The following PTPN14 variants were observed in gnomAD, a reference collection of about 807,000 sequenced individuals.
PTPN14 encodes the protein tyrosine-protein phosphatase non-receptor type 14.
A neutral mutation model predicts 126.8 loss-of-function variants in PTPN14; 53 were observed. The observed-to-expected ratio is 0.42, with a 90% CI of 0.34 to 0.53. PTPN14 has a LOEUF of 0.53. Ranked by LOEUF, PTPN14 falls within the 20% of genes least tolerant of loss-of-function variation. The pLI is 0.08. For synonymous variants in PTPN14, 630 were observed against 599.3 expected (o/e 1.05, Z -0.75); for missense variants, 1,257 against 1,552.9 (o/e 0.81, Z 3.20).
At chr1:214,520,079 TATATGCAGA>T (rs1655216764) in intron 1 of PTPN14, among the ~76,000 whole-genome samples, 1 of 134,490 alleles carries the variant, frequency 7.4e-6, no homozygotes, top group Non-Finnish European at 1.6e-5. Flanking sequence ...TATATATATA[TATATGCAGA>T]ATATATGCAG....
At chr1:214,549,599 A>AT (rs1656054519) in intron 1 of PTPN14, among the ~76,000 whole-genome samples, 1 of 152,220 alleles carries the variant, frequency 6.6e-6, no homozygotes, top group African/African-American at 2.4e-5. Context: ...TAACTTTATA[A>AT]TACAAGGTCC....
chr1:214,411,654 A>G, intron 5 of PTPN14, 30 bp downstream of exon 5: 1 of 1,413,092 alleles, frequency 7.1e-7, no homozygotes, highest in Non-Finnish European at 9.7e-7. Context: ...AAGGTAGAAA[A>G]TTAATTAAGA....
Position 214,451,932 on chromosome 1 carries a change from C to G in PTPN14, c.217G>C (p.Ala73Pro). 6.2e-7 allele frequency: 1 copy of G among 1,614,096 alleles called. No homozygotes were observed. Among genetic ancestry groups the G allele is most frequent in the Non-Finnish European group, 8.5e-7 (1 of 1,179,998 alleles). Residue 73 changes from alanine (A) to proline (P), a missense_variant, in exon 3 of 19, where the codon GCA becomes CCA. Ala to Pro is a conservative substitution (Grantham distance 27). Around this residue, in one of 3 missense-constraint regions of PTPN14, gnomAD observed 1,021 missense variants for 1,183.3 expected, o/e 0.86. Coordinates refer to ENST00000366956, the MANE Select transcript of PTPN14 (RefSeq NM_005401.5). Reference sequence around the variant, plus strand: ...GGTTTCTCCAGCTCCACCCATCGTGCTTGCTGGCTCTTGCTGAGAAACCAA... The same window carrying G: ...GGTTTCTCCAGCTCCACCCATCGTGGTTGCTGGCTCTTGCTGAGAAACCAA... ...GLWFLSKSQQ[A>P]RWVELEKPLK...
intron 3 of PTPN14, among the ~76,000 whole-genome samples, chr1:214,445,901 T>C (rs920732222): frequency 6.6e-6 from 1 of 152,198 alleles, no homozygotes; most frequent in African/African-American, 2.4e-5. Flanking sequence ...CCTGTTGCTA[T>C]GCAAATCATT....
chr1:214,438,611 G>A (rs1340504754), intron 3 of PTPN14, among the ~76,000 whole-genome samples: 1 of 152,036 alleles, frequency 6.6e-6, no homozygotes, highest in Non-Finnish European at 1.5e-5. Flanking sequence ...TTTCTAGTAG[G>A]GTATGGTTTA....
intron 5 of PTPN14, among the ~76,000 whole-genome samples, chr1:214,407,779 C>T (rs1228381078): frequency 6.6e-6 from 1 of 152,094 alleles, no homozygotes; most frequent in East Asian, 1.9e-4. Context: ...TTCACTAACA[C>T]CTAAATTATA....
intron 7 of PTPN14, among the ~76,000 whole-genome samples, chr1:214,400,816 TG>T (rs1220894347): frequency 2.0e-5 from 3 of 152,196 alleles, no homozygotes. Context: ...TAGCCCTTTC[TG>T]AAAGCTGCGG....
chr1:214,366,923 G>A (rs1393300069), intron 17 of PTPN14, among the ~76,000 whole-genome samples: 2 of 150,024 alleles, frequency 1.3e-5, no homozygotes, highest in Admixed American at 1.3e-4. Flanking sequence ...GGCGGAGTTT[G>A]CAGTGAGCCG....
intron 13 of PTPN14, among the ~76,000 whole-genome samples, chr1:214,379,656 A>G (rs921830924): frequency 3.9e-5 from 6 of 152,360 alleles, no homozygotes; most frequent in Middle Eastern, 3.4e-3. Flanking sequence ...CTGCTCACTG[A>G]GATAAATGCA....
chr1:214,516,193 T>C (rs1655098716), intron 1 of PTPN14, among the ~76,000 whole-genome samples: 1 of 152,124 alleles, frequency 6.6e-6, no homozygotes. Context: ...TAAAACAAAT[T>C]TTTGCTTCTA....
chr1:214,413,948 C>T (rs191949299), intron 4 of PTPN14, among the ~76,000 whole-genome samples: 22 of 152,336 alleles, frequency 1.4e-4, no homozygotes, highest in Admixed American at 1.4e-3. Flanking sequence ...GGATTACAGG[C>T]ATGAGCCACC....
At chr1:214,524,430 C>T (rs1655339221) in intron 1 of PTPN14, among the ~76,000 whole-genome samples, 1 of 151,864 alleles carries the variant, frequency 6.6e-6, no homozygotes, top group Non-Finnish European at 1.5e-5. Context: ...GGCAGTAGGA[C>T]TGCTTGAGTC....
At chr1:214,359,536 T>C (rs1055379833) in intron 18 of PTPN14, among the ~76,000 whole-genome samples, 4 of 151,922 alleles carry the variant, frequency 2.6e-5, no homozygotes, top group African/African-American at 7.3e-5. Context: ...AACACCTATT[T>C]TGAGACAGAG....
At chr1:214,363,260 T>C (rs1345227766) in intron 18 of PTPN14, among the ~76,000 whole-genome samples, 2 of 152,330 alleles carry the variant, frequency 1.3e-5, no homozygotes, top group South Asian at 2.1e-4. Flanking sequence ...AAACATTCAT[T>C]CCCATGGACA....
At chr1:214,439,266 C>G (rs1400489117) in intron 3 of PTPN14, among the ~76,000 whole-genome samples, 3 of 152,120 alleles carry the variant, frequency 2.0e-5, no homozygotes, top group East Asian at 3.8e-4. Context: ...TCACAGTTGG[C>G]CATTTTATTT....
At chr1:214,368,352 C>T (rs982259888) in intron 17 of PTPN14, among the ~76,000 whole-genome samples, 3 of 152,010 alleles carry the variant, frequency 2.0e-5, no homozygotes, top group African/African-American at 7.2e-5. Context: ...CAGACATGCG[C>T]CACCACACCT....
intron 1 of PTPN14, among the ~76,000 whole-genome samples, chr1:214,491,479 C>T (rs74142722): frequency 0.037 from 5,660 of 152,226 alleles, 315 homozygotes; most frequent in African/African-American, 0.13. Flanking sequence ...ACCGTTGGAC[C>T]TCAGATCATC....
At chr1:214,548,558 A>T (rs560197733) in intron 1 of PTPN14, among the ~76,000 whole-genome samples, 1 of 152,312 alleles carries the variant, frequency 6.6e-6, no homozygotes, top group South Asian at 2.1e-4. Flanking sequence ...TGAATTTTTT[A>T]AAAACACAGC....
chr1:214,444,917 G>A (rs536689437), intron 3 of PTPN14, among the ~76,000 whole-genome samples: 162 of 152,220 alleles, frequency 1.1e-3, no homozygotes, highest in Non-Finnish European at 1.8e-3. Context: ...CACTTCACAC[G>A]CTGAAATGCA....
Sources: gnomAD v4.1 joint callset for allele counts (sites outside exome capture counted in the v4.1 genomes callset) on GRCh38, gnomAD v4.1.1 for gene constraint, gnomAD v4.1.1 regional missense constraint, MANE v1.5 for transcripts, NCBI Gene and HGNC (gene_info 2026-07-23, HGNC 2026-07-21) for gene names.